The following SP100 variants were observed in gnomAD, a reference collection of about 807,000 sequenced individuals.
The protein encoded by SP100 is nuclear autoantigen Sp-100.
SP100 carries 84 observed loss-of-function variants against 130.0 expected under a neutral mutation model. That is an observed-to-expected ratio of 0.65 (90% CI 0.54 to 0.77). SP100 has a LOEUF of 0.77. Ranked by LOEUF, SP100 falls within the 30% of genes least tolerant of loss-of-function variation. The pLI, the probability that SP100 is intolerant of heterozygous loss-of-function variation, is 0.00. For missense variants in SP100, 978 were observed against 1,052.2 expected (o/e 0.93, Z 0.97); for synonymous variants, 331 against 351.7 (o/e 0.94, Z 0.66).
At position 230,436,940 on chromosome 2, in the gene SP100, ACGC is replaced by A. The variant is rs1559486598; in HGVS notation, c.108-5996_108-5994del. On this transcript the variant is annotated intron_variant, in intron 2 of 28. Coordinates refer to ENST00000340126, the MANE Select transcript of SP100 (RefSeq NM_001080391.2). ...TGTATACACACAAGTGTATACACAC[ACGC>A]ATATATGTGTATACACACACATATA... 1.4e-3 allele frequency among the ~76,000 whole-genome samples: 182 copies of A among 128,718 alleles called. 3 individuals carry two copies. The highest frequency in any genetic ancestry group is 5.3e-3 in the African/African-American group (164 of 30,766). The allele number at this position is 128,718 out of a possible 152,430, so 84.4% of individuals were successfully genotyped here.
At chr2:230,417,493 T>C in intron 1 of SP100, 98 bp from the exon 2 acceptor site, 1 of 1,466,404 alleles carries the variant, frequency 6.8e-7, no homozygotes, top group Non-Finnish European at 9.1e-7. Flanking sequence ...GGTTTTTACA[T>C]CTAAACAAAT....
chr2:230,511,233 G>T, intron 24 of SP100, 67 bp downstream of exon 24: 1 of 1,071,562 alleles, frequency 9.3e-7, no homozygotes, highest in South Asian at 1.2e-5. Flanking sequence ...ACTATGTCAT[G>T]ACTGCCTTTC....
intron 17 of SP100, among the ~76,000 whole-genome samples, chr2:230,480,686 A>G (rs1228426101): frequency 6.6e-6 from 1 of 152,188 alleles, no homozygotes; most frequent in Non-Finnish European, 1.5e-5. Flanking sequence ...CAGGAGCCTG[A>G]GGTCTGAGGC....
intron 19 of SP100, among the ~76,000 whole-genome samples, chr2:230,502,811 T>C (rs1444115921): frequency 1.3e-5 from 2 of 152,216 alleles, no homozygotes; most frequent in Non-Finnish European, 2.9e-5. Flanking sequence ...AAAGTTTTAC[T>C]GGAACACAGT....
intron 13 of SP100, among the ~76,000 whole-genome samples, chr2:230,468,139 G>C (rs530944750): frequency 6.6e-6 from 1 of 152,274 alleles, no homozygotes; most frequent in Admixed American, 6.5e-5. Flanking sequence ...GGAAACTAAG[G>C]CACACTTAAG....
At chr2:230,451,087 GA>G (rs1250752494) in intron 8 of SP100, among the ~76,000 whole-genome samples, 2 of 152,276 alleles carry the variant, frequency 1.3e-5, no homozygotes, top group Middle Eastern at 6.8e-3. Context: ...TAGGTTTATG[GA>G]AATGTAGTCC....
intron 3 of SP100, among the ~76,000 whole-genome samples, chr2:230,443,589 T>A (rs2063555069): frequency 6.6e-6 from 1 of 152,204 alleles, no homozygotes; most frequent in African/African-American, 2.4e-5. Flanking sequence ...TGGAGGTAGA[T>A]GCTTGTTATT....
intron 17 of SP100, among the ~76,000 whole-genome samples, chr2:230,491,781 G>A (rs183760080): frequency 9.9e-5 from 15 of 152,262 alleles, no homozygotes; most frequent in Non-Finnish European, 1.5e-4. Flanking sequence ...GTGGGGACAC[G>A]GAGCCAAACC....
At chr2:230,439,332 A>G (rs974348903) in intron 2 of SP100, among the ~76,000 whole-genome samples, 7 of 152,296 alleles carry the variant, frequency 4.6e-5, no homozygotes, top group Middle Eastern at 3.4e-3. Flanking sequence ...AGTTCTGTGA[A>G]TAATGATGAT....
intron 5 of SP100, among the ~76,000 whole-genome samples, chr2:230,448,429 G>A (rs2063809775): frequency 6.6e-6 from 1 of 152,100 alleles, no homozygotes; most frequent in African/African-American, 2.4e-5. Flanking sequence ...TAAGGTAACT[G>A]AAATCCAGAG....
chr2:230,429,195 C>T (rs1325406921), intron 2 of SP100, among the ~76,000 whole-genome samples: 2 of 152,142 alleles, frequency 1.3e-5, no homozygotes, highest in Non-Finnish European at 2.9e-5. Flanking sequence ...CTCTCCTTCA[C>T]TTCTGAAGGA....
At chr2:230,515,269 G>T (rs1186762540) in intron 24 of SP100, 1 of 1,611,518 alleles carries the variant, frequency 6.2e-7, no homozygotes, top group Admixed American at 1.7e-5. Context: ...CCCTCCTAAA[G>T]GGGAGAAAAA....
At chr2:230,522,845 C>T (rs1235378372) in intron 24 of SP100, among the ~76,000 whole-genome samples, 4 of 151,748 alleles carry the variant, frequency 2.6e-5, no homozygotes, top group Non-Finnish European at 5.9e-5. Context: ...GGCAGAGTCT[C>T]GCTCTGTTGC....
At chr2:230,427,376 G>T (rs2062964775) in intron 2 of SP100, among the ~76,000 whole-genome samples, 1 of 152,090 alleles carries the variant, frequency 6.6e-6, no homozygotes, top group African/African-American at 2.4e-5. Flanking sequence ...TGGCCAGGCT[G>T]GTCTCGAGCT....
At chr2:230,494,567 G>A (rs2066562995) in intron 18 of SP100, 107 bp downstream of exon 18, 1 of 779,328 alleles carries the variant, frequency 1.3e-6, no homozygotes, top group African/African-American at 1.8e-5. Flanking sequence ...GGCCACGGTA[G>A]CTTCAGACCT....
intron 24 of SP100, among the ~76,000 whole-genome samples, chr2:230,530,520 G>A (rs945815987): frequency 6.6e-6 from 1 of 152,154 alleles, no homozygotes; most frequent in Non-Finnish European, 1.5e-5. Flanking sequence ...ATAGGCATGG[G>A]CAAAGACTTC....
At chr2:230,511,023 G>C in intron 23 of SP100, 102 bp from the exon 24 acceptor site, 2 of 792,602 alleles carry the variant, frequency 2.5e-6, no homozygotes, top group Non-Finnish European at 4.5e-6. Flanking sequence ...CAAAAGAAGG[G>C]CTGTGGCATG....
chr2:230,504,073 G>T (rs949676071), intron 20 of SP100, 113 bp from the exon 21 acceptor site: 7 of 598,090 alleles, frequency 1.2e-5, no homozygotes, highest in South Asian at 9.5e-5. Flanking sequence ...ATTCATGGGG[G>T]AAATACCTCC....
At chr2:230,521,130 G>C (rs55759935) in intron 24 of SP100, among the ~76,000 whole-genome samples, 27,856 of 152,138 alleles carry the variant, frequency 0.18, 3,045 homozygotes, top group African/African-American at 0.3. Context: ...AAAGTGGCCT[G>C]TAGGTTTTCA....
Sources: allele counts gnomAD v4.1 joint callset (sites outside exome capture counted in the v4.1 genomes callset), GRCh38; gene constraint gnomAD v4.1.1; transcripts MANE v1.5; gene names NCBI Gene and HGNC (gene_info 2026-07-23, HGNC 2026-07-21).